APAF1: variants seen among roughly 807,000 people sequenced by gnomAD.
APAF1 encodes the protein apoptotic peptidase activating factor 1.
A neutral mutation model predicts 152.4 loss-of-function variants in APAF1; 91 were observed. The ratio of observed to expected loss-of-function variants is 0.60; its 90% confidence interval spans 0.50 to 0.71. The LOEUF (loss-of-function observed/expected upper bound fraction) is 0.71, where lower values mean the gene tolerates loss of function less well. Among genes scored for constraint, APAF1 ranks in the 30% least tolerant of loss-of-function variants. The pLI is 0.00. For missense variants in APAF1, 1,283 were observed against 1,472.0 expected, an observed-to-expected ratio of 0.87 and a Z score of 2.10; for synonymous variants, 484 against 494.1, an observed-to-expected ratio of 0.98 and a Z score of 0.27.
rs10668292 is a variant in APAF1 at position 98,707,692 on chromosome 12, C to CTATATATATATA, written c.2722-884_2722-873dup. 6.0e-4 allele frequency among the ~76,000 whole-genome samples: 84 copies of CTATATATATATA among 139,666 alleles called. 1 individual carries two copies. Among genetic ancestry groups the CTATATATATATA allele is most frequent in the Non-Finnish European group, 9.4e-4 (60 of 63,964 alleles). 91.6% of individuals were successfully genotyped at this position (139,666 alleles called of 152,430 possible). On this transcript the variant is annotated intron_variant, in intron 19 of 26. Transcript: ENST00000551964. ...TATATTCAAGACATTATGCAAAGTA[C>CTATATATATATA]TATATATATATATATATATACATAT...
chr12:98,645,830 G>C lies in APAF1; in HGVS notation c.-47G>C, dbSNP rs576079253. ...TCCCCACTAAGACCTAGGCGCAAAG[G>C]CTTGGGTAAGTTGACCTCCTCGCTT... On this transcript the variant is annotated 5_prime_UTR_variant, in exon 1 of 27. Transcript: ENST00000551964. The C allele has an allele frequency of 3.9e-5, 6 of 152,426 alleles. 1 individual carries two copies. Among genetic ancestry groups the C allele is most frequent in the African/African-American group, 1.2e-4 (5 of 41,584 alleles). 9.4% of individuals were successfully genotyped at this position (152,426 alleles called of 1,614,324 possible). A position where few individuals can be genotyped will look rare whatever the true frequency, so the allele number is the denominator to read the frequency against.
rs78492828 is a variant in APAF1, at chr12:98,699,590, A to T, written c.2466+21A>T. On this transcript the variant is annotated intron_variant, in intron 17 of 26. Transcript: ENST00000551964. Reference sequence around the variant, plus strand: ...TCTTTGTAAGTACTTTAAAAAGCCAACTTCAGTCTGATTTAAAGAAAGTTA... The same window carrying T: ...TCTTTGTAAGTACTTTAAAAAGCCATCTTCAGTCTGATTTAAAGAAAGTTA... 80 of 1,613,136 alleles carry T rather than the reference A, an allele frequency of 5.0e-5. No homozygotes were observed. In the African/African-American group the frequency reaches 9.7e-4, roughly 20 times the overall value.
At chr12:98,667,725 AT>A in intron 10 of APAF1, 81 bp downstream of exon 10, 3 of 1,016,924 alleles carry the variant, frequency 3.0e-6, no homozygotes, top group Non-Finnish European at 4.1e-6. Context: ...TTTTTCTGTT[AT>A]TTTTTGTCTT....
intron 4 of APAF1, among the ~76,000 whole-genome samples, chr12:98,653,122 G>A (rs1003879950): frequency 7.9e-5 from 12 of 151,840 alleles, no homozygotes; most frequent in African/African-American, 2.7e-4. Context: ...ATTCTCTGGA[G>A]TCTGCCTTTG....
rs1337512341 is a variant in APAF1, at chr12:98,715,271, T to TG, written c.2959-156_2959-155insG. Among the ~76,000 whole-genome samples, 19 of 124,642 alleles carry TG rather than the reference T, an allele frequency of 1.5e-4. 1 individual carries two copies. The East Asian group carries it at 3.1e-3, about 20-fold the overall frequency. 81.8% of individuals were successfully genotyped at this position (124,642 alleles called of 152,430 possible). A position where few individuals can be genotyped will look rare whatever the true frequency, so the allele number is the denominator to read the frequency against. ...ATATATATATATATATATATATATA[T>TG]ATATATATATGACATTCATTTGTTT... On this transcript the variant is annotated intron_variant, in intron 21 of 26. Transcript: ENST00000551964.
chr12:98,647,426 A>G (rs112599246), intron 1 of APAF1, among the ~76,000 whole-genome samples: 4,346 of 151,624 alleles, frequency 0.029, 204 homozygotes, highest in African/African-American at 0.1. Context: ...AGGCTGGAGT[A>G]CAGTAGAGTG....
At chr12:98,660,399 G>A (rs2097663573) in intron 5 of APAF1, among the ~76,000 whole-genome samples, 1 of 151,822 alleles carries the variant, frequency 6.6e-6, no homozygotes, top group Non-Finnish European at 1.5e-5. Context: ...CTGTTTGATT[G>A]TCTTAGTTTC....
At chr12:98,695,358 C>CA (rs1371694044) in intron 16 of APAF1, among the ~76,000 whole-genome samples, 1 of 149,906 alleles carries the variant, frequency 6.7e-6, no homozygotes, top group East Asian at 2.0e-4. Context: ...ATGCCGCCCC[C>CA]CCCCTTTTTT....
intron 10 of APAF1, among the ~76,000 whole-genome samples, chr12:98,669,700 G>C (rs2153319239): frequency 6.6e-6 from 1 of 152,226 alleles, no homozygotes; most frequent in East Asian, 1.9e-4. Context: ...ATTTTCTTAG[G>C]ATACTTTTTT....
chr12:98,652,871 C>G (rs1029377372), intron 4 of APAF1, among the ~76,000 whole-genome samples: 2 of 152,186 alleles, frequency 1.3e-5, no homozygotes, highest in African/African-American at 4.8e-5. Flanking sequence ...GGTGATCCCC[C>G]TGCCTCGCCT....
Position 98,727,275 on chromosome 12 carries a change from C to T in APAF1, c.3559C>T (p.Pro1187Ser), listed in dbSNP as rs1434177122. The T allele has an allele frequency of 1.2e-6, 2 of 1,614,076 alleles. No individual in the cohort carries two copies. The highest frequency in any genetic ancestry group is 1.7e-6 in the Non-Finnish European group (2 of 1,180,002). ...CTGGGTGACTGACCTTTGCTTTTCT[C>T]CAGATGGCAAAATGCTTATCTCTGC... ...GGWVTDLCFS[P>S]DGKMLISAGG... Residue 1187 changes from proline (P) to serine (S), a missense_variant, in exon 26 of 27, where the codon CCA (proline) becomes TCA (serine). Transcript: ENST00000551964.
At chr12:98,726,149 C>T (rs1434409192) in intron 25 of APAF1, among the ~76,000 whole-genome samples, 1 of 152,138 alleles carries the variant, frequency 6.6e-6, no homozygotes, top group Non-Finnish European at 1.5e-5. Flanking sequence ...CAAACCATGC[C>T]AATTTTATTT....
intron 16 of APAF1, among the ~76,000 whole-genome samples, chr12:98,694,264 T>G (rs2097707433): frequency 6.6e-6 from 1 of 152,166 alleles, no homozygotes; most frequent in Non-Finnish European, 1.5e-5. Context: ...AAAAACAAAC[T>G]TTGACAAGTG....
intron 26 of APAF1, among the ~76,000 whole-genome samples, chr12:98,731,762 CTT>C (rs1565900835): frequency 6.6e-6 from 1 of 152,138 alleles, no homozygotes; most frequent in Non-Finnish European, 1.5e-5. Context: ...CATGGGTAAA[CTT>C]TATGATTCCC....
chr12:98,659,101 C>A, intron 4 of APAF1, 59 bp from the exon 5 acceptor site: 2 of 1,499,948 alleles, frequency 1.3e-6, no homozygotes, highest in Non-Finnish European at 1.9e-6. Context: ...AACAGTAAAA[C>A]CATTTAAAGG....
chr12:98,730,143 A>G (rs2097758388), intron 26 of APAF1, among the ~76,000 whole-genome samples: 2 of 152,262 alleles, frequency 1.3e-5, no homozygotes, highest in African/African-American at 4.8e-5. Context: ...ATCCCTTTAC[A>G]AGGTTTCATT....
At chr12:98,697,369 G>T (rs773435057) in intron 16 of APAF1, among the ~76,000 whole-genome samples, 2 of 152,120 alleles carry the variant, frequency 1.3e-5, no homozygotes, top group Non-Finnish European at 2.9e-5. Flanking sequence ...TCCCTTACTG[G>T]CCTGTCAACT....
intron 1 of APAF1, 130 bp from the exon 2 acceptor site, chr12:98,648,189 T>C: frequency 2.5e-6 from 2 of 784,730 alleles, no homozygotes; most frequent in South Asian, 1.6e-5. Context: ...CTGGGTTTTG[T>C]CCATTTAAAA....
chr12:98,650,442 C>T (rs924234690), intron 4 of APAF1, among the ~76,000 whole-genome samples: 3 of 151,608 alleles, frequency 2.0e-5, no homozygotes, highest in Non-Finnish European at 4.4e-5. Context: ...GCTGAGATCG[C>T]ACCACTGCAC....
Sources: gnomAD v4.1 joint callset for allele counts (sites outside exome capture counted in the v4.1 genomes callset) on GRCh38, gnomAD v4.1.1 for gene constraint, MANE v1.5 for transcripts, NCBI Gene and HGNC (gene_info 2026-07-23, HGNC 2026-07-21) for gene names.